Variants in ASPRV1 observed in about 807,000 individuals in gnomAD.
ASPRV1 encodes the protein retroviral-like aspartic protease 1.
In ASPRV1, 7 loss-of-function variants were observed where a neutral mutation model predicts 11.0. The observed-to-expected ratio is 0.64, with a 90% CI of 0.36 to 1.20. The LOEUF is 1.20. ASPRV1 is among the 50% of genes most tolerant of loss of function. The pLI is 0.02. For missense variants in ASPRV1, 299 were observed against 320.0 expected (o/e 0.93, Z 0.50); for synonymous variants, 136 against 138.4 (o/e 0.98, Z 0.12).
At chr2:70,050,663 G>T in the ASPRV1 span, 2 of 152,194 alleles carry the variant, frequency 1.3e-5, no homozygotes, top group Non-Finnish European at 2.9e-5. Flanking sequence ...TGGAAAAAAT[G>T]TGTAGGCAAG....
the ASPRV1 span, among the ~76,000 whole-genome samples, chr2:69,967,592 A>C: frequency 6.6e-6 from 1 of 152,190 alleles, no homozygotes; most frequent in Non-Finnish European, 1.5e-5. Flanking sequence ...GGTAAAATGG[A>C]AACAGTGTCT....
At chr2:70,058,882 CTTTTT>C in the ASPRV1 span, among the ~76,000 whole-genome samples, 11 of 102,256 alleles carry the variant, frequency 1.1e-4, no homozygotes, top group African/African-American at 4.6e-4. Flanking sequence ...TATTACCCAA[CTTTTT>C]TTTTTTTTTT....
chr2:69,999,264 G>A, the ASPRV1 span, among the ~76,000 whole-genome samples: 11 of 151,652 alleles, frequency 7.3e-5, no homozygotes, highest in South Asian at 2.3e-3. Context: ...ACACCACTGT[G>A]CCCAGCTAGA....
At chr2:70,075,188 A>C in the ASPRV1 span, 1 of 148,808 alleles carries the variant, frequency 6.7e-6, no homozygotes, top group Non-Finnish European at 1.5e-5. Flanking sequence ...GGCTCACTGC[A>C]ATCTCCGCCT....
the ASPRV1 span, among the ~76,000 whole-genome samples, chr2:69,952,203 A>C: frequency 6.6e-6 from 1 of 152,166 alleles, no homozygotes; most frequent in Admixed American, 6.6e-5. Flanking sequence ...ATGGGTATAA[A>C]ACCTACTTTG....
chr2:70,069,202 G>A, the ASPRV1 span: 1 of 152,060 alleles, frequency 6.6e-6, no homozygotes, highest in African/African-American at 2.4e-5. Context: ...AGACAGCTCT[G>A]GGGGAAAAAA....
At chr2:69,991,364 T>C in the ASPRV1 span, among the ~76,000 whole-genome samples, 13 of 152,244 alleles carry the variant, frequency 8.5e-5, no homozygotes, top group African/African-American at 3.1e-4. Context: ...TCCTCCACTA[T>C]GTATTTGAAC....
the ASPRV1 span, chr2:70,086,466 G>A: frequency 8.5e-5 from 13 of 152,254 alleles, no homozygotes; most frequent in South Asian, 4.1e-4. Flanking sequence ...CTTCCTCAGC[G>A]GGAAGAACCG....
the ASPRV1 span, among the ~76,000 whole-genome samples, chr2:70,025,012 A>G: frequency 0.068 from 10,388 of 152,252 alleles, 1,228 homozygotes; most frequent in African/African-American, 0.24. Flanking sequence ...GCTCAAATAA[A>G]TGTTCCACAT....
the ASPRV1 span, among the ~76,000 whole-genome samples, chr2:69,949,093 T>A: frequency 6.6e-6 from 1 of 152,150 alleles, no homozygotes; most frequent in African/African-American, 2.4e-5. Flanking sequence ...CAGTGATGCA[T>A]TTCACTTTCT....
At chr2:69,957,643 G>A (rs72910664), downstream of ASPRV1, among the ~76,000 whole-genome samples, 1,927 of 151,948 alleles carry the variant, frequency 0.013, 38 homozygotes, top group South Asian at 0.037. Context: ...GCTGGTCTGG[G>A]TGGGGATGGA....
At chr2:69,993,117 C>T in the ASPRV1 span, among the ~76,000 whole-genome samples, 1 of 152,204 alleles carries the variant, frequency 6.6e-6, no homozygotes, top group Non-Finnish European at 1.5e-5. Flanking sequence ...AGGAATCAGG[C>T]TACCAAAGAA....
At chr2:70,054,702 G>A in the ASPRV1 span, among the ~76,000 whole-genome samples, 3 of 152,234 alleles carry the variant, frequency 2.0e-5, no homozygotes, top group Non-Finnish European at 4.4e-5. Context: ...TAAGACAAAC[G>A]ATGGGATGTC....
the ASPRV1 span, among the ~76,000 whole-genome samples, chr2:69,967,232 A>G: frequency 1.3e-5 from 2 of 152,236 alleles, no homozygotes; most frequent in African/African-American, 4.8e-5. Context: ...CAGATAAGTA[A>G]GAGAGACAGA....
At chr2:70,066,489 T>C in the ASPRV1 span, among the ~76,000 whole-genome samples, 1 of 152,098 alleles carries the variant, frequency 6.6e-6, no homozygotes, top group Admixed American at 6.6e-5. Context: ...TCCACCTGCC[T>C]TGGCCTCCCT....
At chr2:69,983,196 G>A in the ASPRV1 span, among the ~76,000 whole-genome samples, 2 of 152,160 alleles carry the variant, frequency 1.3e-5, no homozygotes, top group South Asian at 2.1e-4. Context: ...TGGGATTCCA[G>A]GCGTGAGCCA....
the ASPRV1 span, chr2:70,045,712 C>G: frequency 1.3e-5 from 2 of 152,166 alleles, no homozygotes; most frequent in African/African-American, 4.8e-5. Flanking sequence ...CACTTGAGGT[C>G]AGGAGTTCGA....
At chr2:69,953,874 A>ATT in the ASPRV1 span, among the ~76,000 whole-genome samples, 3,704 of 141,656 alleles carry the variant, frequency 0.026, 156 homozygotes, top group Admixed American at 0.1. Context: ...TGCCCGGCTA[A>ATT]TTTTTTTTTT....
the ASPRV1 span, among the ~76,000 whole-genome samples, chr2:70,053,072 A>AC: frequency 1.3e-5 from 2 of 151,766 alleles, no homozygotes; most frequent in Non-Finnish European, 2.9e-5. Context: ...TTCATGCTCA[A>AC]CCCCCCATAT....
Sources: gnomAD v4.1 joint callset for allele counts (sites outside exome capture counted in the v4.1 genomes callset) on GRCh38, gnomAD v4.1.1 for gene constraint, MANE v1.5 for transcripts, NCBI Gene and HGNC (gene_info 2026-07-23, HGNC 2026-07-21) for gene names.